The following PSPC1 variants were observed in gnomAD, a reference collection of about 807,000 sequenced individuals.
PSPC1 encodes paraspeckle protein 1.
Under a neutral mutation model 51.6 loss-of-function variants are expected in PSPC1, and 14 were observed. The observed-to-expected ratio is 0.27, with a 90% CI of 0.18 to 0.42. The LOEUF (loss-of-function observed/expected upper bound fraction) is 0.42. Ranked by LOEUF, PSPC1 falls within the 10% of genes least tolerant of loss-of-function variation. The probability of loss-of-function intolerance (pLI) is 1.00; values close to 1 mark genes in which losing one functional copy is unlikely to be tolerated. For synonymous variants in PSPC1, 193 were observed against 231.9 expected (o/e 0.83, Z 1.53); for missense variants, 406 against 701.1 (o/e 0.58, Z 4.75).
intron 1 of PSPC1, among the ~76,000 whole-genome samples, chr13:19,775,609 A>T (rs952679190): frequency 1.4e-4 from 22 of 152,234 alleles, no homozygotes; most frequent in Admixed American, 2.0e-4. Context: ...CATTCTAAAC[A>T]GTCGTTTTGT....
At chr13:19,780,115 C>T (rs1188610512) in intron 1 of PSPC1, among the ~76,000 whole-genome samples, 4 of 83,290 alleles carry the variant, frequency 4.8e-5, no homozygotes, top group East Asian at 6.0e-4. Context: ...GCCCGGCCAG[C>T]CGCCCCGTCC....
At chr13:19,767,197 G>C (rs376640255) in intron 2 of PSPC1, among the ~76,000 whole-genome samples, 10 of 152,000 alleles carry the variant, frequency 6.6e-5, no homozygotes, top group African/African-American at 2.4e-4. Context: ...AAATGGAAAA[G>C]CAAGATCTAT....
intron 6 of PSPC1, among the ~76,000 whole-genome samples, chr13:19,713,360 C>T (rs958232372): frequency 1.3e-5 from 2 of 151,934 alleles, no homozygotes; most frequent in Non-Finnish European, 2.9e-5. Flanking sequence ...CCTACTGTTA[C>T]CTCATTTTAG....
intron 7 of PSPC1, among the ~76,000 whole-genome samples, chr13:19,707,574 T>C (rs968738562): frequency 3.3e-5 from 5 of 152,176 alleles, no homozygotes; most frequent in African/African-American, 9.7e-5. Context: ...GAATGAAGAC[T>C]GAAGAGAAAA....
intron 6 of PSPC1, among the ~76,000 whole-genome samples, chr13:19,722,926 A>T (rs867246768): frequency 2.0e-5 from 3 of 152,272 alleles, no homozygotes; most frequent in Middle Eastern, 6.8e-3. Flanking sequence ...CCTGGCCAAC[A>T]TGGTGAAACC....
chr13:19,775,220 C>T (rs1888997551), intron 1 of PSPC1, among the ~76,000 whole-genome samples: 1 of 151,946 alleles, frequency 6.6e-6, no homozygotes, highest in Admixed American at 6.6e-5. Context: ...AGGCATGTGG[C>T]ACGGGCCTGT....
At chr13:19,763,726 C>T (rs560815579) in intron 2 of PSPC1, among the ~76,000 whole-genome samples, 4 of 152,256 alleles carry the variant, frequency 2.6e-5, no homozygotes, top group South Asian at 4.1e-4. Flanking sequence ...CTCGGCCAGG[C>T]GTGGTGGCTC....
chr13:19,772,918 T>C (rs1238879290), intron 1 of PSPC1, among the ~76,000 whole-genome samples: 1 of 152,096 alleles, frequency 6.6e-6, no homozygotes, highest in African/African-American at 2.4e-5. Flanking sequence ...TCCCAGCACT[T>C]TGAGAGGCTG....
In PSPC1 at chr13:19,782,741, T is replaced by C; in HGVS notation, c.17A>G (p.Asn6Ser). The change falls in exon 1 of 9, where the codon AAC becomes AGC. Residue 6 changes from asparagine to serine, a missense_variant. Asn to Ser is a conservative substitution (Grantham distance 46). Around this residue, in one of 5 missense-constraint regions of PSPC1, gnomAD observed 128 missense variants for 107.1 expected, o/e 1.20. Coordinates refer to ENST00000338910, the MANE Select transcript of PSPC1 (RefSeq NM_001354909.2). The surrounding 1 kb of genome is among the most constrained non-coding windows in gnomAD (Gnocchi z 4.5). MMLRG[N>S]LKQVRIEKNP... is the part of the protein sequence containing the mutation. ...TTTCTCAATGCGCACTTGCTTCAGG[T>C]TTCCTCTTAACATCATCTTACTGAG... is the stretch of plus-strand genomic sequence containing the variant. The C allele has an allele frequency of 6.4e-7, 1 of 1,563,442 alleles. No individual in the cohort carries two copies. The highest frequency in any genetic ancestry group is 8.6e-7 in the Non-Finnish European group (1 of 1,167,684).
At chr13:19,760,752 G>A (rs1168855574) in intron 2 of PSPC1, among the ~76,000 whole-genome samples, 1 of 152,018 alleles carries the variant, frequency 6.6e-6, no homozygotes, top group East Asian at 1.9e-4. Context: ...ACTTTGGTAG[G>A]CTGAGGCGGG....
At chr13:19,776,846 C>T (rs1889187633) in intron 1 of PSPC1, among the ~76,000 whole-genome samples, 2 of 149,818 alleles carry the variant, frequency 1.3e-5, no homozygotes, top group Non-Finnish European at 3.0e-5. Flanking sequence ...AAATAATATG[C>T]CGGGCATGGT....
chr13:19,754,392 G>T (rs1886865699), intron 3 of PSPC1, among the ~76,000 whole-genome samples: 1 of 149,960 alleles, frequency 6.7e-6, no homozygotes, highest in South Asian at 2.1e-4. Context: ...AGCCTTGTGA[G>T]CATTTTCTTC....
At chr13:19,721,678 G>A (rs1326258667) in intron 6 of PSPC1, among the ~76,000 whole-genome samples, 1 of 152,122 alleles carries the variant, frequency 6.6e-6, no homozygotes, top group Non-Finnish European at 1.5e-5. Flanking sequence ...AACATCCTCT[G>A]TATCCTCCAC....
chr13:19,733,225 A>C (rs1375178734), intron 5 of PSPC1, among the ~76,000 whole-genome samples: 1 of 152,188 alleles, frequency 6.6e-6, no homozygotes, highest in South Asian at 2.1e-4. Context: ...CAAGAAACAC[A>C]TCTGTTACAG....
intron 1 of PSPC1, among the ~76,000 whole-genome samples, chr13:19,776,509 A>G (rs1057120246): frequency 1.3e-5 from 2 of 151,354 alleles, no homozygotes; most frequent in African/African-American, 2.4e-5. Flanking sequence ...ACCCTTTACT[A>G]TATGCAAATT....
At chr13:19,671,899 G>C (rs767072111), downstream of PSPC1, 5 of 1,610,854 alleles carry the variant, frequency 3.1e-6, no homozygotes, top group Admixed American at 8.3e-5. Flanking sequence ...ACTGGGCGGA[G>C]TTCTCTTCAG....
At chr13:19,748,733 G>A (rs1430159514) in intron 4 of PSPC1, among the ~76,000 whole-genome samples, 1 of 148,286 alleles carries the variant, frequency 6.7e-6, no homozygotes, top group Non-Finnish European at 1.5e-5. Flanking sequence ...TATCTAACTA[G>A]GGCACAACTG....
chr13:19,699,295 A>G (rs1879628883), downstream of PSPC1: 1 of 148,416 alleles, frequency 6.7e-6, no homozygotes, highest in African/African-American at 2.4e-5. Flanking sequence ...GATTTTAAAC[A>G]TTAGACACTA....
At chr13:19,704,129 AT>A (rs773219429) in intron 8 of PSPC1, among the ~76,000 whole-genome samples, 1 of 152,286 alleles carries the variant, frequency 6.6e-6, no homozygotes, top group Non-Finnish European at 1.5e-5. Flanking sequence ...CAATAAAAAA[AT>A]GGGACAGTTA....
Sources: allele counts gnomAD v4.1 joint callset (sites outside exome capture counted in the v4.1 genomes callset), GRCh38; gene constraint gnomAD v4.1.1; regional missense constraint gnomAD v4.1.1; non-coding constraint Gnocchi (gnomAD v3.1); transcripts MANE v1.5; gene names NCBI Gene and HGNC (gene_info 2026-07-23, HGNC 2026-07-21).